The following PIBF1 variants were observed in gnomAD, a reference collection of about 807,000 sequenced individuals.
The protein encoded by PIBF1 is progesterone-induced-blocking factor 1.
PIBF1 carries 90 observed loss-of-function variants against 112.5 expected under a neutral mutation model. That is an observed-to-expected ratio of 0.80 (90% CI 0.67 to 0.95). PIBF1 has a LOEUF of 0.95. Ranked by LOEUF, PIBF1 falls within the 40% of genes least tolerant of loss-of-function variation. PIBF1 has a pLI of 0.00. For synonymous variants in PIBF1, 301 were observed against 288.6 expected (o/e 1.04, Z -0.44); for missense variants, 915 against 852.3 (o/e 1.07, Z -0.92).
chr13:72,962,775 A>T (rs1457461002), intron 14 of PIBF1, among the ~76,000 whole-genome samples: 1 of 152,200 alleles, frequency 6.6e-6, no homozygotes, highest in Non-Finnish European at 1.5e-5. Context: ...GAAATGGAAA[A>T]ACTGATCCTA....
intron 13 of PIBF1, among the ~76,000 whole-genome samples, chr13:72,924,221 G>A (rs960957775): frequency 6.6e-6 from 1 of 152,168 alleles, no homozygotes; most frequent in African/African-American, 2.4e-5. Context: ...TGGTGAATTG[G>A]TATCTAAGAC....
At chr13:72,917,198 T>TTGAGTAGATAAATA in intron 13 of PIBF1, 32 bp downstream of exon 13, 2 of 1,288,420 alleles carry the variant, frequency 1.6e-6, no homozygotes, top group Non-Finnish European at 2.2e-6. Context: ...TTTATTTATC[T>TTGAGTAGATAAATA]ACTCAAGATG....
chr13:72,889,056 G>C (rs1042695496), intron 10 of PIBF1, among the ~76,000 whole-genome samples: 2 of 151,548 alleles, frequency 1.3e-5, no homozygotes, highest in African/African-American at 4.8e-5. Flanking sequence ...AAAAAAAAAA[G>C]AAAAGAAGTC....
intron 14 of PIBF1, among the ~76,000 whole-genome samples, chr13:72,933,304 A>G (rs1462858980): frequency 2.0e-5 from 3 of 152,236 alleles, no homozygotes; most frequent in African/African-American, 7.2e-5. Flanking sequence ...TCGGAGGCCA[A>G]GGCAGGAGAG....
chr13:73,004,753 A>G (rs1056801312), intron 17 of PIBF1, among the ~76,000 whole-genome samples: 2 of 152,194 alleles, frequency 1.3e-5, no homozygotes, highest in Non-Finnish European at 2.9e-5. Context: ...GGTGGTTGTC[A>G]GGGGCTAGGG....
Position 72,812,626 on chromosome 13 carries a change from A to C in PIBF1, c.673-9223A>C, listed in dbSNP as rs138807674. Among the ~76,000 whole-genome samples, 81 of 152,172 alleles carry C rather than the reference A, an allele frequency of 5.3e-4. No homozygotes were observed. The East Asian group carries it at 0.013, about 24-fold the overall frequency. On this transcript the variant is annotated intron_variant, in intron 5 of 17. Transcript: ENST00000326291. Reference sequence around the variant, plus strand: ...GGTGAAACCCTATCTCTACCAAAAAATACAAAAATTAGCTGGGTGTGGTGG... The same window carrying C: ...GGTGAAACCCTATCTCTACCAAAAACTACAAAAATTAGCTGGGTGTGGTGG...
chr13:72,987,858 A>ATTTATTTTTTTTTTTTTTTTT (rs1345167411), intron 16 of PIBF1, among the ~76,000 whole-genome samples: 1 of 58,134 alleles, frequency 1.7e-5, no homozygotes, highest in Non-Finnish European at 2.8e-5. Context: ...TTATTTATTT[A>ATTTATTTTTTTTTTTTTTTTT]TTTTTTTTTT....
chr13:72,815,789 T>C (rs1455612978), intron 5 of PIBF1, among the ~76,000 whole-genome samples: 1 of 152,158 alleles, frequency 6.6e-6, no homozygotes, highest in African/African-American at 2.4e-5. Context: ...CATCAGCCGC[T>C]TGAGTAGCTG....
intron 17 of PIBF1, among the ~76,000 whole-genome samples, chr13:73,004,020 A>G (rs984079079): frequency 1.3e-5 from 2 of 152,158 alleles, no homozygotes; most frequent in Non-Finnish European, 2.9e-5. Context: ...TGGCCTGGGT[A>G]TCCTACTTTA....
At chr13:72,963,900 C>T (rs1165844186) in intron 14 of PIBF1, among the ~76,000 whole-genome samples, 1 of 152,092 alleles carries the variant, frequency 6.6e-6, no homozygotes, top group Non-Finnish European at 1.5e-5. Context: ...AAAATGGTAT[C>T]ACCACTGTGG....
intron 11 of PIBF1, among the ~76,000 whole-genome samples, chr13:72,900,494 T>A (rs1249214350): frequency 6.6e-6 from 1 of 151,842 alleles, no homozygotes; most frequent in Non-Finnish European, 1.5e-5. Context: ...AAAAACAAAG[T>A]GGGGAAAGGA....
At chr13:72,974,244 T>A (rs1049283274) in intron 16 of PIBF1, 3 of 152,312 alleles carry the variant, frequency 2.0e-5, no homozygotes, top group African/African-American at 7.2e-5. Context: ...TTAACCTTTT[T>A]TAGCAGACAT....
intron 5 of PIBF1, among the ~76,000 whole-genome samples, chr13:72,816,454 G>T (rs2036278962): frequency 6.6e-6 from 1 of 152,008 alleles, no homozygotes; most frequent in African/African-American, 2.4e-5. Context: ...CTTGAGTCCA[G>T]GAGTTCAAGA....
chr13:72,996,045 C>T (rs2043646940), intron 16 of PIBF1, among the ~76,000 whole-genome samples: 1 of 121,440 alleles, frequency 8.2e-6, no homozygotes, highest in Non-Finnish European at 1.6e-5. Flanking sequence ...ACATATTCTG[C>T]TACATCACAA....
At chr13:72,903,087 G>A (rs9634988) in intron 11 of PIBF1, among the ~76,000 whole-genome samples, 90,575 of 151,580 alleles carry the variant, frequency 0.6, 27,701 homozygotes, top group East Asian at 0.76. Context: ...TCGTAGAGAC[G>A]AGGTTTCACC....
chr13:72,844,791 A>ACACACACACG (rs1566348769), intron 9 of PIBF1, among the ~76,000 whole-genome samples: 4 of 131,126 alleles, frequency 3.1e-5, no homozygotes, highest in African/African-American at 8.7e-5. Context: ...ACACACACAC[A>ACACACACACG]CACACACACG....
intron 9 of PIBF1, among the ~76,000 whole-genome samples, chr13:72,853,337 T>C (rs1160541949): frequency 1.3e-5 from 2 of 152,172 alleles, no homozygotes; most frequent in African/African-American, 4.8e-5. Context: ...GAGCCCTACA[T>C]GAATATTGAC....
intron 9 of PIBF1, among the ~76,000 whole-genome samples, chr13:72,851,249 A>G (rs1367233414): frequency 6.6e-6 from 1 of 152,170 alleles, no homozygotes; most frequent in East Asian, 1.9e-4. Context: ...GCAGCTGCGG[A>G]CCCAGGCATT....
chr13:72,958,602 CCA>C (rs1199792227), intron 14 of PIBF1, among the ~76,000 whole-genome samples: 9 of 152,168 alleles, frequency 5.9e-5, no homozygotes, highest in African/African-American at 4.8e-5. Context: ...GTCCGTTCCA[CCA>C]CAGTCTCATC....
Sources: gnomAD v4.1 joint callset for allele counts (sites outside exome capture counted in the v4.1 genomes callset) on GRCh38, gnomAD v4.1.1 for gene constraint, MANE v1.5 for transcripts, NCBI Gene and HGNC (gene_info 2026-07-23, HGNC 2026-07-21) for gene names.